Variants in ELP4 observed in about 807,000 individuals in gnomAD.
The protein encoded by ELP4 is elongator acetyltransferase complex subunit 4.
Under a neutral mutation model 48.9 loss-of-function variants are expected in ELP4, and 51 were observed. That is an observed-to-expected ratio of 1.04 (90% CI 0.83 to 1.32). ELP4 has a LOEUF of 1.32. Among genes scored for constraint, ELP4 ranks in the 40% most tolerant of loss-of-function variants. The pLI is 0.00. For synonymous variants in ELP4, 210 were observed against 189.2 expected, an observed-to-expected ratio of 1.11 and a Z score of -0.90; for missense variants, 519 against 514.6, an observed-to-expected ratio of 1.01 and a Z score of -0.08.
chr11:31,658,721 G>C (rs1470681821), intron 9 of ELP4, among the ~76,000 whole-genome samples: 1 of 151,662 alleles, frequency 6.6e-6, no homozygotes, highest in African/African-American at 2.4e-5. Context: ...ATTTTTCTAA[G>C]GTATTTTACA....
chr11:31,779,544 T>G (rs1412280778), intron 9 of ELP4, among the ~76,000 whole-genome samples: 2 of 152,136 alleles, frequency 1.3e-5, no homozygotes, highest in Non-Finnish European at 2.9e-5. Context: ...GGAAAGAATC[T>G]CAAAGTCCAG....
chr11:31,641,857 A>G (rs1945105179), intron 7 of ELP4, among the ~76,000 whole-genome samples: 1 of 151,942 alleles, frequency 6.6e-6, no homozygotes, highest in African/African-American at 2.4e-5. Flanking sequence ...CTACTGCATC[A>G]CAAACATCAG....
chr11:31,764,906 C>T (rs1039986096), intron 9 of ELP4, among the ~76,000 whole-genome samples: 1 of 152,134 alleles, frequency 6.6e-6, no homozygotes, highest in Admixed American at 6.5e-5. Flanking sequence ...GTGTATTATT[C>T]AACGTTTTAG....
chr11:31,547,749 C>T (rs939046671), intron 3 of ELP4, among the ~76,000 whole-genome samples: 2 of 152,188 alleles, frequency 1.3e-5, no homozygotes, highest in African/African-American at 4.8e-5. Flanking sequence ...AAAATACTGG[C>T]AAACCGAATC....
At chr11:31,562,361 C>T (rs1168099694) in intron 3 of ELP4, among the ~76,000 whole-genome samples, 1 of 152,092 alleles carries the variant, frequency 6.6e-6, no homozygotes, top group South Asian at 2.1e-4. Flanking sequence ...TTATCCTCCT[C>T]ATTTGCTCTA....
At chr11:31,681,014 T>C (rs926056241) in intron 9 of ELP4, among the ~76,000 whole-genome samples, 4 of 152,214 alleles carry the variant, frequency 2.6e-5, no homozygotes, top group Non-Finnish European at 5.9e-5. Flanking sequence ...TAACCTGAGG[T>C]TAAGTTTTCT....
intron 9 of ELP4, among the ~76,000 whole-genome samples, chr11:31,668,721 T>TGTGTGTGTGTGTGTG (rs1565103640): frequency 8.6e-5 from 8 of 92,592 alleles, no homozygotes; most frequent in Non-Finnish European, 1.3e-4. Context: ...TGTGTGTGTG[T>TGTGTGTGTGTGTGTG]AAGAACCCTG....
At chr11:31,710,492 G>A (rs950908898) in intron 9 of ELP4, among the ~76,000 whole-genome samples, 2 of 152,096 alleles carry the variant, frequency 1.3e-5, no homozygotes, top group Admixed American at 1.3e-4. Flanking sequence ...AGGCATTGTG[G>A]CACATGCCTG....
At chr11:31,682,321 T>C (rs1946070597) in intron 9 of ELP4, among the ~76,000 whole-genome samples, 1 of 152,156 alleles carries the variant, frequency 6.6e-6, no homozygotes, top group Non-Finnish European at 1.5e-5. Flanking sequence ...CGTATTTGCC[T>C]TCCTCACTAG....
At chr11:31,597,995 A>C (rs1380865290) in intron 4 of ELP4, among the ~76,000 whole-genome samples, 2 of 102,846 alleles carry the variant, frequency 1.9e-5, no homozygotes, top group Non-Finnish European at 3.6e-5. Flanking sequence ...TTGCTCTGTC[A>C]CCCAGGCTGG....
In ELP4 at chr11:31,754,740, C is replaced by T. The variant is rs180779568; in HGVS notation, c.1144-28653C>T. ...TACAAAAATTAGCTGGGCATGGTGG[C>T]GGGCACCTGTAATCCCAGCTACTCA... On this transcript the variant is annotated intron_variant, in intron 9 of 9. Transcript: ENST00000640961. Among the ~76,000 whole-genome samples, 927 of 152,084 alleles carry T rather than the reference C, an allele frequency of 6.1e-3. 9 individuals are homozygous for T. The highest frequency in any genetic ancestry group is 5.1e-3 in the Non-Finnish European group (346 of 67,976).
intron 9 of ELP4, among the ~76,000 whole-genome samples, chr11:31,704,566 A>G (rs1397588651): frequency 6.6e-6 from 1 of 152,158 alleles, no homozygotes; most frequent in East Asian, 1.9e-4. Flanking sequence ...CAGCACACCA[A>G]CGTGGCACAT....
intron 5 of ELP4, among the ~76,000 whole-genome samples, chr11:31,613,360 A>G (rs561892727): frequency 1.3e-5 from 2 of 152,308 alleles, no homozygotes; most frequent in African/African-American, 2.4e-5. Flanking sequence ...AAAGACTGCA[A>G]ACTAAATCCC....
intron 4 of ELP4, among the ~76,000 whole-genome samples, chr11:31,602,462 A>T (rs1026673532): frequency 5.9e-5 from 9 of 152,010 alleles, no homozygotes; most frequent in Non-Finnish European, 7.4e-5. Context: ...AAAAGATTAG[A>T]TTGAAGCAAA....
chr11:31,647,706 A>G, intron 7 of ELP4, 35 bp from the exon 8 acceptor site: 2 of 1,260,372 alleles, frequency 1.6e-6, no homozygotes, highest in Non-Finnish European at 2.3e-6. Flanking sequence ...TTAACATAAT[A>G]TTTAACGTTA....
chr11:31,533,554 TC>T (rs1175010727), intron 2 of ELP4, among the ~76,000 whole-genome samples: 33 of 150,958 alleles, frequency 2.2e-4, no homozygotes, highest in African/African-American at 7.3e-4. Flanking sequence ...ATTTTTTTTT[TC>T]TTTTTGTATT....
At chr11:31,534,030 G>GT (rs1956456049) in intron 2 of ELP4, among the ~76,000 whole-genome samples, 1 of 151,530 alleles carries the variant, frequency 6.6e-6, no homozygotes, top group Admixed American at 6.6e-5. Context: ...CTAGAGACGG[G>GT]TTTCACCATG....
intron 9 of ELP4, among the ~76,000 whole-genome samples, chr11:31,680,742 T>C (rs1259415746): frequency 6.6e-6 from 1 of 152,224 alleles, no homozygotes; most frequent in Non-Finnish European, 1.5e-5. Context: ...TTCAATAGGC[T>C]GCACAGTAGA....
chr11:31,775,809 G>A (rs112341300), intron 9 of ELP4, among the ~76,000 whole-genome samples: 48,472 of 151,662 alleles, frequency 0.32, 8,134 homozygotes, highest in Non-Finnish European at 0.37. Context: ...TACTAAAAAT[G>A]CAAAAATTAG....
Sources: gnomAD v4.1 joint callset for allele counts (sites outside exome capture counted in the v4.1 genomes callset) on GRCh38, gnomAD v4.1.1 for gene constraint, MANE v1.5 for transcripts, NCBI Gene and HGNC (gene_info 2026-07-23, HGNC 2026-07-21) for gene names.